The following SEMA3C variants were observed in gnomAD, a reference collection of about 807,000 sequenced individuals.
The protein encoded by SEMA3C is semaphorin 3C, also known as semaphorin-3C.
Under a neutral mutation model 89.4 loss-of-function variants are expected in SEMA3C, and 47 were observed. The ratio of observed to expected loss-of-function variants is 0.53; its 90% confidence interval spans 0.42 to 0.67. SEMA3C has a LOEUF of 0.67. SEMA3C is among the 30% of genes least tolerant of loss of function. The probability of loss-of-function intolerance (pLI) is 0.00; values close to 1 mark genes in which losing one functional copy is unlikely to be tolerated. For synonymous variants in SEMA3C, 310 were observed against 320.2 expected (o/e 0.97, Z 0.34); for missense variants, 839 against 929.1 (o/e 0.90, Z 1.26).
At chr7:80,780,782 G>T (rs1788674909) in intron 12 of SEMA3C, among the ~76,000 whole-genome samples, 1 of 152,100 alleles carries the variant, frequency 6.6e-6, no homozygotes, top group Non-Finnish European at 1.5e-5. Context: ...TACTCCGGAG[G>T]CTGAGATGGG....
intron 5 of SEMA3C, among the ~76,000 whole-genome samples, chr7:80,815,507 A>G (rs1180724141): frequency 1.3e-5 from 2 of 149,314 alleles, no homozygotes; most frequent in East Asian, 4.2e-4. Flanking sequence ...CACAGAACCA[A>G]AAAAAGGATT....
intron 2 of SEMA3C, among the ~76,000 whole-genome samples, chr7:80,904,913 G>A (rs1462673491): frequency 6.6e-6 from 1 of 151,966 alleles, no homozygotes; most frequent in Admixed American, 6.6e-5. Context: ...AACCTTACCA[G>A]TCATTCCAAA....
At chr7:80,870,276 C>T (rs565884114) in intron 2 of SEMA3C, among the ~76,000 whole-genome samples, 1 of 152,336 alleles carries the variant, frequency 6.6e-6, no homozygotes, top group South Asian at 2.1e-4. Context: ...AAGTTCCTTT[C>T]TCTTCCATGC....
chr7:80,918,648 C>T (rs945028472), intron 1 of SEMA3C, among the ~76,000 whole-genome samples, 180 bp downstream of exon 1: 1 of 152,112 alleles, frequency 6.6e-6, no homozygotes, highest in Non-Finnish European at 1.5e-5. Context: ...CAGGTGTCAC[C>T]GCCTAAAGAA....
intron 2 of SEMA3C, among the ~76,000 whole-genome samples, chr7:80,896,144 C>A (rs1791732038): frequency 6.6e-6 from 1 of 152,010 alleles, no homozygotes; most frequent in African/African-American, 2.4e-5. Context: ...TTTAAAATTG[C>A]TTTTTCGATT....
At chr7:80,905,965 T>A (rs1322633547) in intron 2 of SEMA3C, 3 of 1,108,282 alleles carry the variant, frequency 2.7e-6, no homozygotes, top group Non-Finnish European at 3.6e-6. Context: ...GTTTTTTTTT[T>A]AACTGAATAA....
intron 2 of SEMA3C, among the ~76,000 whole-genome samples, chr7:80,864,898 T>C (rs961018200): frequency 3.3e-5 from 5 of 152,204 alleles, no homozygotes; most frequent in African/African-American, 1.2e-4. Flanking sequence ...AGAAGGTACC[T>C]TAATTTTCCC....
intron 16 of SEMA3C, among the ~76,000 whole-genome samples, chr7:80,750,223 A>G (rs948519991): frequency 6.6e-6 from 1 of 151,760 alleles, no homozygotes; most frequent in Non-Finnish European, 1.5e-5. Context: ...GGACTGAGGC[A>G]GGAAAAGTAT....
chr7:80,784,280 A>AG lies in SEMA3C; in HGVS notation c.1354+5025_1354+5026insC, dbSNP rs1164722214. ...AGCCCTTCCTCAAGATTAAAAAAAAAAAAGAGAGATAAAGAACATAAAAAC... is the reference window on the plus strand; with the variant it reads ...AGCCCTTCCTCAAGATTAAAAAAAAAGAAAGAGAGATAAAGAACATAAAAAC... On this transcript the variant is annotated intron_variant, in intron 12 of 17. Coordinates refer to ENST00000265361, the MANE Select transcript of SEMA3C (RefSeq NM_006379.5). Among the ~76,000 whole-genome samples the AG allele has an allele frequency of 3.6e-5, 5 of 139,502 alleles. No homozygotes were observed. In the Admixed American group the frequency reaches 3.7e-4, roughly 10 times the overall value. 91.5% of individuals were successfully genotyped at this position (139,502 alleles called of 152,430 possible).
intron 11 of SEMA3C, among the ~76,000 whole-genome samples, chr7:80,794,148 A>G (rs182752398): frequency 1.3e-5 from 2 of 152,012 alleles, no homozygotes; most frequent in Non-Finnish European, 2.9e-5. Context: ...GCTTCGAAAA[A>G]TCACTTATTC....
rs112004138 is a variant in SEMA3C, at chr7:80,898,314, C to T, written c.103+18365G>A. ...CCAGGAAACAGAGGTTGCAGTGAGC[C>T]GAGATCGCGCCACTGCACTCCAGCC... On this transcript the variant is annotated intron_variant, in intron 2 of 17. Coordinates refer to ENST00000265361, the MANE Select transcript of SEMA3C (RefSeq NM_006379.5). Among the ~76,000 whole-genome samples, 58 of 152,148 alleles carry T rather than the reference C, an allele frequency of 3.8e-4. 1 individual carries two copies. Among genetic ancestry groups the T allele is most frequent in the Non-Finnish European group, 6.5e-4 (44 of 68,014 alleles).
At chr7:80,805,949 C>T (rs889845445) in intron 6 of SEMA3C, among the ~76,000 whole-genome samples, 191 bp from the exon 7 acceptor site, 3 of 151,950 alleles carry the variant, frequency 2.0e-5, no homozygotes, top group South Asian at 4.2e-4. Context: ...TCATTATTGC[C>T]TGAATGATAA....
intron 17 of SEMA3C, 69 bp downstream of exon 17, chr7:80,748,828 TC>T (rs1787857547): frequency 6.8e-7 from 1 of 1,460,542 alleles, no homozygotes; most frequent in Non-Finnish European, 9.2e-7. Context: ...GATCTGAGCC[TC>T]GCTGAGGGAC....
chr7:80,908,852 A>G (rs1194876538), intron 2 of SEMA3C, among the ~76,000 whole-genome samples: 1 of 152,152 alleles, frequency 6.6e-6, no homozygotes, highest in African/African-American at 2.4e-5. Flanking sequence ...TAAGTAATAA[A>G]GTGTTCACCA....
chr7:80,784,107 A>G (rs776443365), intron 12 of SEMA3C, among the ~76,000 whole-genome samples: 4 of 152,176 alleles, frequency 2.6e-5, no homozygotes, highest in Non-Finnish European at 5.9e-5. Context: ...AAATATTTTC[A>G]TAACTCCAGA....
At chr7:80,910,741 A>G (rs1029077309) in intron 2 of SEMA3C, among the ~76,000 whole-genome samples, 1 of 151,580 alleles carries the variant, frequency 6.6e-6, no homozygotes, top group African/African-American at 2.4e-5. Flanking sequence ...TTTATTTAAA[A>G]TAAGTTATTT....
At chr7:80,914,546 G>A (rs973830104) in intron 2 of SEMA3C, among the ~76,000 whole-genome samples, 1 of 151,972 alleles carries the variant, frequency 6.6e-6, no homozygotes, top group Admixed American at 6.6e-5. Context: ...GTTACCAATC[G>A]TGCAATTTTA....
intron 2 of SEMA3C, among the ~76,000 whole-genome samples, chr7:80,880,028 G>A (rs768764657): frequency 3.3e-5 from 5 of 152,128 alleles, no homozygotes; most frequent in South Asian, 2.1e-4. Flanking sequence ...CTCTGCTGGC[G>A]TTCTTCCCAG....
chr7:80,910,376 C>T (rs534762297), intron 2 of SEMA3C, among the ~76,000 whole-genome samples: 168 of 152,260 alleles, frequency 1.1e-3, no homozygotes, highest in Non-Finnish European at 2.0e-3. Context: ...CAATTTAAAA[C>T]GTGGAACATA....
Sources: allele counts gnomAD v4.1 joint callset (sites outside exome capture counted in the v4.1 genomes callset), GRCh38; gene constraint gnomAD v4.1.1; transcripts MANE v1.5; gene names NCBI Gene and HGNC (gene_info 2026-07-23, HGNC 2026-07-21).